Variants in PKIB observed in about 807,000 individuals in gnomAD.
PKIB encodes the protein cAMP-dependent protein kinase inhibitor beta.
A neutral mutation model predicts 4.5 loss-of-function variants in PKIB; 2 were observed. That is an observed-to-expected ratio of 0.44 (90% confidence interval 0.18 to 1.39). PKIB has a LOEUF of 1.39. PKIB is among the 40% of genes most tolerant of loss of function. The probability of loss-of-function intolerance (pLI) is 0.27; values close to 1 mark genes in which losing one functional copy is unlikely to be tolerated. For synonymous variants in PKIB, 38 were observed against 36.0 expected (o/e 1.06, Z -0.20); for missense variants, 94 against 92.6 (o/e 1.02, Z -0.06).
At chr6:122,703,935 TATATATAG>T (rs1562311376) in intron 3 of PKIB, among the ~76,000 whole-genome samples, 1 of 128,594 alleles carries the variant, frequency 7.8e-6, no homozygotes, top group Admixed American at 7.7e-5. Context: ...TATATATATA[TATATATAG>T]AGAGAGAGAG....
chr6:122,577,908 CAAAA>C (rs530700134), intron 2 of PKIB, among the ~76,000 whole-genome samples: 1 of 74,248 alleles, frequency 1.3e-5, no homozygotes. Context: ...GACTCCGTCT[CAAAA>C]AAAAAAAAAA....
rs80335001 is a variant in PKIB at position 122,485,721 on chromosome 6, G to T, written c.-248+7782G>T. On this transcript the variant is annotated intron_variant, in intron 2 of 6. Transcript: ENST00000392491. ...GAGCCATCAAAGGCAGTGTTAAAGC[G>T]GAAGGATGGTGGCAGAAATCATTAG... Among the ~76,000 whole-genome samples, 343 of 152,306 alleles carry T rather than the reference G, an allele frequency of 2.3e-3. 1 individual carries two copies. The highest frequency in any genetic ancestry group is 7.8e-3 in the African/African-American group (325 of 41,568).
rs552696346 is a variant in PKIB, at chr6:122,682,801, C to T, written c.-9+7657C>T. 6.6e-5 allele frequency among the ~76,000 whole-genome samples: 10 copies of T among 152,258 alleles called. No homozygotes were observed. In the East Asian group the frequency reaches 9.7e-4, roughly 15 times the overall value. ...GTCCACGTCCTCCTGGGATTGTTCT[C>T]AGCAATTTTACTTTACTGTCCAAAG... On this transcript the variant is annotated intron_variant, in intron 3 of 4. Coordinates refer to ENST00000368452, the MANE Select transcript of PKIB (RefSeq NM_181795.3).
chr6:122,514,905 G>A (rs1221064362), intron 2 of PKIB, among the ~76,000 whole-genome samples: 1 of 152,206 alleles, frequency 6.6e-6, no homozygotes, highest in Non-Finnish European at 1.5e-5. Context: ...CCCATAGAGT[G>A]AAGTTATATT....
In PKIB at chr6:122,698,966, C is replaced by A. The variant is rs185887091; in HGVS notation, c.-8-18821C>A. Among the ~76,000 whole-genome samples, 198 of 152,172 alleles carry A rather than the reference C, an allele frequency of 1.3e-3. 2 individuals are homozygous for A. Among genetic ancestry groups the A allele is most frequent in the Non-Finnish European group, 3.1e-4 (21 of 68,004 alleles). On this transcript the variant is annotated intron_variant, in intron 3 of 4. Coordinates refer to ENST00000368452, the MANE Select transcript of PKIB (RefSeq NM_181795.3). ...TTTGTACTATGTGTGAAATATCCAC[C>A]CTTTTTGTGTGAGTTCCTTTGTATT...
intron 3 of PKIB, among the ~76,000 whole-genome samples, chr6:122,681,674 G>A (rs1777900753): frequency 6.6e-6 from 1 of 152,288 alleles, no homozygotes; most frequent in South Asian, 2.1e-4. Flanking sequence ...ACCATTCAGT[G>A]TACCAAGGAA....
rs563529273 is a variant in PKIB, at chr6:122,689,808, T to A, written c.-9+14664T>A. On this transcript the variant is annotated intron_variant, in intron 3 of 4. Coordinates refer to ENST00000368452, the MANE Select transcript of PKIB (RefSeq NM_181795.3). ...GCAGATTAAGTCCAATGTTTCTTTG[T>A]TGATTTTCTGTCTAGCAGATCTGTC... 3.5e-4 allele frequency among the ~76,000 whole-genome samples: 53 copies of A among 152,314 alleles called. 1 individual carries two copies. The South Asian group carries it at 0.011, about 30-fold the overall frequency.
chr6:122,697,282 G>A (rs1778615465), intron 3 of PKIB, among the ~76,000 whole-genome samples: 1 of 152,198 alleles, frequency 6.6e-6, no homozygotes, highest in East Asian at 1.9e-4. Flanking sequence ...TGATCTATGG[G>A]AGGAGAACTT....
intron 2 of PKIB, among the ~76,000 whole-genome samples, chr6:122,534,761 A>C (rs1163333699): frequency 1.3e-5 from 2 of 152,170 alleles, no homozygotes; most frequent in African/African-American, 2.4e-5. Context: ...AGTAACTAGA[A>C]CTACAGACAG....
intron 2 of PKIB, among the ~76,000 whole-genome samples, chr6:122,667,426 A>G (rs990524105): frequency 2.3e-4 from 35 of 152,164 alleles, no homozygotes; most frequent in African/African-American, 7.9e-4. Flanking sequence ...AGTCCCAGCT[A>G]CTCAGGAGGC....
At chr6:122,630,265 G>A (rs927323120) in intron 1 of PKIB, among the ~76,000 whole-genome samples, 2 of 151,996 alleles carry the variant, frequency 1.3e-5, no homozygotes, top group African/African-American at 2.4e-5. Flanking sequence ...TATTCAAAAG[G>A]TGAAAGTAAC....
chr6:122,708,848 G>C (rs1420254851), intron 3 of PKIB, among the ~76,000 whole-genome samples: 1 of 152,044 alleles, frequency 6.6e-6, no homozygotes, highest in Non-Finnish European at 1.5e-5. Flanking sequence ...GGCCAGGCTG[G>C]TCTCAAACTC....
intron 3 of PKIB, among the ~76,000 whole-genome samples, chr6:122,695,304 T>C (rs1295521660): frequency 4.3e-4 from 65 of 152,182 alleles, no homozygotes. Context: ...GAAGTATTTG[T>C]TTCTGTTTTA....
chr6:122,563,395 T>G (rs1773089312), intron 2 of PKIB, among the ~76,000 whole-genome samples: 1 of 151,716 alleles, frequency 6.6e-6, no homozygotes, highest in South Asian at 2.1e-4. Flanking sequence ...TCCATGAGAG[T>G]TCTTAGCTTT....
intron 1 of PKIB, among the ~76,000 whole-genome samples, chr6:122,624,600 G>C (rs1016310758): frequency 6.6e-6 from 1 of 152,058 alleles, no homozygotes; most frequent in East Asian, 1.9e-4. Flanking sequence ...ATCAAGGAAT[G>C]GTCATTTAAT....
intron 2 of PKIB, among the ~76,000 whole-genome samples, chr6:122,507,624 G>A (rs1055335376): frequency 3.3e-5 from 5 of 151,182 alleles, no homozygotes; most frequent in Non-Finnish European, 7.4e-5. Flanking sequence ...GTGTATTTGA[G>A]CCATCAGGCG....
rs188163095 is a variant in PKIB at position 122,622,234 on chromosome 6, G to A, written c.-160-11049G>A. 2.9e-3 allele frequency among the ~76,000 whole-genome samples: 437 copies of A among 151,970 alleles called. 1 individual carries two copies. The highest frequency in any genetic ancestry group is 5.1e-3 in the Non-Finnish European group (346 of 67,960). ...CATTTTTTTGTGTTAGCACAAACTC[G>A]GTAAATAGCAAAATTCTATAAAATT... On this transcript the variant is annotated intron_variant, in intron 1 of 4. Coordinates refer to ENST00000368452, the MANE Select transcript of PKIB (RefSeq NM_181795.3).
At chr6:122,602,988 G>A (rs537927748) in intron 3 of PKIB, among the ~76,000 whole-genome samples, 27 of 143,788 alleles carry the variant, frequency 1.9e-4, no homozygotes, top group East Asian at 9.9e-4. Context: ...ATAGGAGTAC[G>A]TTTACATTTT....
chr6:122,519,150 C>T (rs902642852), intron 2 of PKIB, among the ~76,000 whole-genome samples: 1 of 152,092 alleles, frequency 6.6e-6, no homozygotes, highest in Non-Finnish European at 1.5e-5. Flanking sequence ...TGCCTGAGCT[C>T]TGCCTCCTGT....
Sources: allele counts gnomAD v4.1 joint callset (sites outside exome capture counted in the v4.1 genomes callset), GRCh38; gene constraint gnomAD v4.1.1; transcripts MANE v1.5; gene names NCBI Gene and HGNC (gene_info 2026-07-23, HGNC 2026-07-21).